Variants in RAB31 observed in about 807,000 individuals in gnomAD.
RAB31 encodes ras-related protein Rab-31.
RAB31 carries 21 observed loss-of-function variants against 25.6 expected under a neutral mutation model. The ratio of observed to expected loss-of-function variants is 0.82; its 90% CI spans 0.58 to 1.18. RAB31 has a LOEUF of 1.18. RAB31 is among the 50% of genes most tolerant of loss of function. The pLI is 0.00. For missense variants in RAB31, 196 were observed against 250.1 expected, an observed-to-expected ratio of 0.78 and a Z score of 1.46; for synonymous variants, 87 against 84.0, an observed-to-expected ratio of 1.04 and a Z score of -0.20.
At chr18:9,794,767 A>T (rs181193361) in intron 3 of RAB31, among the ~76,000 whole-genome samples, 11 of 152,306 alleles carry the variant, frequency 7.2e-5, no homozygotes, top group Admixed American at 5.2e-4. Flanking sequence ...GTGAGCTGAG[A>T]TCATGCTACT....
intron 1 of RAB31, among the ~76,000 whole-genome samples, chr18:9,764,862 T>G (rs2068307289): frequency 6.6e-6 from 1 of 152,198 alleles, no homozygotes; most frequent in African/African-American, 2.4e-5. Context: ...TAAATTTACT[T>G]CTGTAAGGAA....
At chr18:9,804,793 C>T (rs2867813) in intron 3 of RAB31, among the ~76,000 whole-genome samples, 14,626 of 149,432 alleles carry the variant, frequency 0.098, 852 homozygotes, top group Non-Finnish European at 0.13. Context: ...CAGAGTGGCC[C>T]GGTGGAAGGT....
intron 1 of RAB31, among the ~76,000 whole-genome samples, chr18:9,746,466 T>TAAAGAA (rs879920730): frequency 0.026 from 3,917 of 152,074 alleles, 152 homozygotes; most frequent in East Asian, 0.15. Flanking sequence ...GCCAAAACAA[T>TAAAGAA]CTTGATAAAG....
chr18:9,814,016 A>G lies in RAB31; in HGVS notation c.202-4A>G, dbSNP rs2143077462. 1 of 1,573,902 alleles carries G rather than the reference A, an allele frequency of 6.4e-7. No homozygotes were observed. Among genetic ancestry groups the G allele is most frequent in the Non-Finnish European group, 8.7e-7 (1 of 1,152,378 alleles). ...GCCTAAAACTGTTCATTGTTCTTAA[A>G]CAGTTTCATTCATTGGCTCCCATGT... is the stretch of plus-strand genomic sequence containing the variant. On this transcript the variant is annotated splice_region_variant and splice_polypyrimidine_tract_variant and intron_variant, in intron 3 of 6. Coordinates refer to ENST00000578921, the MANE Select transcript of RAB31 (RefSeq NM_006868.4).
At chr18:9,724,616 G>C in intron 1 of RAB31, among the ~76,000 whole-genome samples, 1 of 152,170 alleles carries the variant, frequency 6.6e-6, no homozygotes, top group Non-Finnish European at 1.5e-5. Context: ...TGTGAATCTC[G>C]GCAACATCAG....
chr18:9,759,328 G>A (rs1474828859), intron 1 of RAB31, among the ~76,000 whole-genome samples: 6 of 152,070 alleles, frequency 3.9e-5, no homozygotes, highest in African/African-American at 1.2e-4. Context: ...ATGCCACCAT[G>A]CCTGGCTAAT....
chr18:9,842,269 G>A (rs902375823), intron 5 of RAB31, among the ~76,000 whole-genome samples: 6 of 152,136 alleles, frequency 3.9e-5, no homozygotes, highest in Admixed American at 6.5e-5. Context: ...AGAGGCTGGC[G>A]TTGGGGCTGA....
At chr18:9,783,682 A>G (rs1409696066) in intron 2 of RAB31, among the ~76,000 whole-genome samples, 1 of 152,236 alleles carries the variant, frequency 6.6e-6, no homozygotes, top group East Asian at 1.9e-4. Context: ...TTTAAAATGT[A>G]CTACTACAAA....
At position 9,708,809 on chromosome 18, in the gene RAB31, G is replaced by T. The variant is rs1462095136; in HGVS notation, c.39+365G>T. Among the ~76,000 whole-genome samples the T allele has an allele frequency of 6.6e-6, 1 of 152,158 alleles. No individual in the cohort carries two copies. Among genetic ancestry groups the T allele is most frequent in the East Asian group, 1.9e-4 (1 of 5,146 alleles). ...GAGTCCCCGGATCCGCGGCGACCTC[G>T]CGGGGACCCCCAGCGGGGACGGGGC... On this transcript the variant is annotated intron_variant, in intron 1 of 6. Transcript: ENST00000578921. The surrounding 1 kb of genome is among the most constrained non-coding windows in gnomAD (Gnocchi z 6.4).
At chr18:9,771,562 G>GTT (rs1170600633) in intron 1 of RAB31, among the ~76,000 whole-genome samples, 9 of 152,166 alleles carry the variant, frequency 5.9e-5, no homozygotes, top group Admixed American at 5.9e-4. Flanking sequence ...TTGTGTGTGT[G>GTT]TCACAGCCCT....
chr18:9,791,820 G>A (rs2068461855), intron 2 of RAB31, among the ~76,000 whole-genome samples: 1 of 152,116 alleles, frequency 6.6e-6, no homozygotes, highest in Non-Finnish European at 1.5e-5. Context: ...TGGCCAGGCT[G>A]GTCTTGAACT....
chr18:9,747,737 G>A (rs1599022465), intron 1 of RAB31, among the ~76,000 whole-genome samples: 1 of 152,314 alleles, frequency 6.6e-6, no homozygotes, highest in East Asian at 1.9e-4. Context: ...TAATGAATAT[G>A]GAGTGATTTG....
At chr18:9,733,006 G>C (rs996505481) in intron 1 of RAB31, among the ~76,000 whole-genome samples, 1 of 152,208 alleles carries the variant, frequency 6.6e-6, no homozygotes, top group African/African-American at 2.4e-5. Flanking sequence ...GCTTTCACCA[G>C]GTGGCACCTG....
At chr18:9,740,088 A>T (rs1256004082) in intron 1 of RAB31, among the ~76,000 whole-genome samples, 1 of 152,224 alleles carries the variant, frequency 6.6e-6, no homozygotes, top group Admixed American at 6.5e-5. Context: ...CTAATGGATG[A>T]ATCCTGACTC....
intron 5 of RAB31, among the ~76,000 whole-genome samples, chr18:9,823,303 G>A (rs2068632815): frequency 6.6e-6 from 1 of 152,128 alleles, no homozygotes; most frequent in African/African-American, 2.4e-5. Flanking sequence ...GCAACATAAG[G>A]GACCCTGTGG....
chr18:9,771,532 C>G (rs1402524213), intron 1 of RAB31, among the ~76,000 whole-genome samples: 2 of 152,234 alleles, frequency 1.3e-5, no homozygotes, highest in Non-Finnish European at 2.9e-5. Flanking sequence ...GCGACAGCCA[C>G]TATTACCCTG....
chr18:9,741,143 A>G (rs1423411345), intron 1 of RAB31, among the ~76,000 whole-genome samples: 3 of 151,972 alleles, frequency 2.0e-5, no homozygotes, highest in Non-Finnish European at 4.4e-5. Flanking sequence ...TGGAAGGCCG[A>G]GGTGGGCGGA....
intron 3 of RAB31, among the ~76,000 whole-genome samples, chr18:9,792,538 G>A (rs2068465908): frequency 6.6e-6 from 1 of 152,096 alleles, no homozygotes; most frequent in African/African-American, 2.4e-5. Flanking sequence ...TTTTTAGGCA[G>A]ACTCACCCTC....
intron 1 of RAB31, among the ~76,000 whole-genome samples, chr18:9,749,413 G>A (rs1222091808): frequency 1.3e-5 from 2 of 152,186 alleles, no homozygotes; most frequent in East Asian, 3.8e-4. Context: ...TTTAAGTTCT[G>A]TGTGTCTGAT....
Sources: allele counts gnomAD v4.1 joint callset (sites outside exome capture counted in the v4.1 genomes callset), GRCh38; gene constraint gnomAD v4.1.1; non-coding constraint Gnocchi (gnomAD v3.1); transcripts MANE v1.5; gene names NCBI Gene and HGNC (gene_info 2026-07-23, HGNC 2026-07-21).